SETBP1: variants seen among roughly 807,000 people sequenced by gnomAD.
The protein encoded by SETBP1 is SET-binding protein.
In SETBP1, 9 loss-of-function variants were observed where a neutral mutation model predicts 101.0. The observed-to-expected ratio is 0.09, with a 90% CI of 0.05 to 0.16. SETBP1 has a LOEUF of 0.16. Among genes scored for constraint, SETBP1 ranks in the 10% least tolerant of loss-of-function variants. The probability of loss-of-function intolerance (pLI) is 1.00; values close to 1 mark genes in which losing one functional copy is unlikely to be tolerated. For synonymous variants in SETBP1, 818 were observed against 788.5 expected (o/e 1.04, Z -0.63); for missense variants, 1,858 against 2,033.8 (o/e 0.91, Z 1.66).
intron 3 of SETBP1, among the ~76,000 whole-genome samples, chr18:44,928,329 T>C (rs950719935): frequency 3.3e-5 from 5 of 152,246 alleles, no homozygotes; most frequent in Admixed American, 3.3e-4. Context: ...CAGTCTATCA[T>C]TGATGGACAT....
At chr18:44,961,397 G>T (rs1599381111) in intron 4 of SETBP1, among the ~76,000 whole-genome samples, 1 of 152,302 alleles carries the variant, frequency 6.6e-6, no homozygotes, top group African/African-American at 2.4e-5. Context: ...GAGCCTCGTG[G>T]ACTGTGTGCC....
chr18:44,686,677 G>A (rs2068845801), intron 1 of SETBP1, among the ~76,000 whole-genome samples: 1 of 152,206 alleles, frequency 6.6e-6, no homozygotes, highest in Non-Finnish European at 1.5e-5. Flanking sequence ...GAAAGTCAAT[G>A]TTGTTTAAGG....
chr18:44,854,154 C>G (rs190215193), intron 2 of SETBP1, among the ~76,000 whole-genome samples: 1 of 152,006 alleles, frequency 6.6e-6, no homozygotes, highest in African/African-American at 2.4e-5. Flanking sequence ...TGGCGTATCC[C>G]CAGAATGCAT....
chr18:44,902,742 T>C (rs2144838924), intron 3 of SETBP1, among the ~76,000 whole-genome samples: 1 of 152,306 alleles, frequency 6.6e-6, no homozygotes, highest in Non-Finnish European at 1.5e-5. Flanking sequence ...TGAGTAACTC[T>C]TTTTACCTCT....
At chr18:44,774,511 C>G (rs184256063) in intron 2 of SETBP1, among the ~76,000 whole-genome samples, 3 of 152,260 alleles carry the variant, frequency 2.0e-5, no homozygotes. Flanking sequence ...TGAGCATCCT[C>G]TGATGGATCA....
At chr18:44,847,815 A>G (rs1158356447) in intron 2 of SETBP1, among the ~76,000 whole-genome samples, 2 of 152,188 alleles carry the variant, frequency 1.3e-5, no homozygotes, top group Non-Finnish European at 2.9e-5. Context: ...AGATCTTGCT[A>G]GAGGAGAGGA....
At chr18:44,882,126 G>GA (rs906259994) in intron 3 of SETBP1, among the ~76,000 whole-genome samples, 2 of 151,846 alleles carry the variant, frequency 1.3e-5, no homozygotes, top group African/African-American at 4.8e-5. Flanking sequence ...AAAGAGATCA[G>GA]AAAAAAGGGA....
chr18:44,907,158 T>C (rs1005781919), intron 3 of SETBP1, among the ~76,000 whole-genome samples: 1 of 152,244 alleles, frequency 6.6e-6, no homozygotes, highest in African/African-American at 2.4e-5. Context: ...TTTTAAGGTT[T>C]AGCCATGCTG....
intron 2 of SETBP1, among the ~76,000 whole-genome samples, chr18:44,797,198 G>C (rs1013693026): frequency 2.6e-5 from 4 of 152,138 alleles, no homozygotes; most frequent in African/African-American, 9.7e-5. Context: ...TTTCTTACTT[G>C]TAAGTGTTGA....
At chr18:44,741,728 C>CA (rs2144475882) in intron 2 of SETBP1, among the ~76,000 whole-genome samples, 1 of 152,242 alleles carries the variant, frequency 6.6e-6, no homozygotes, top group East Asian at 1.9e-4. Context: ...TAGCCATGTT[C>CA]AAATTATCTC....
intron 3 of SETBP1, among the ~76,000 whole-genome samples, chr18:44,902,463 G>C (rs1250733313): frequency 1.4e-5 from 2 of 143,448 alleles, no homozygotes; most frequent in African/African-American, 5.0e-5. Context: ...TAGTGCAAGA[G>C]AGAGGTGGAG....
chr18:44,738,386 G>T (rs761411685), intron 2 of SETBP1, among the ~76,000 whole-genome samples: 1 of 152,180 alleles, frequency 6.6e-6, no homozygotes, highest in South Asian at 2.1e-4. Flanking sequence ...CCTGAAAGAA[G>T]AATTATGCCA....
chr18:44,826,228 G>A (rs867742174), intron 2 of SETBP1, among the ~76,000 whole-genome samples: 5 of 152,112 alleles, frequency 3.3e-5, no homozygotes, highest in Non-Finnish European at 7.4e-5. Flanking sequence ...ATTCATTGGG[G>A]CAAAGAAATG....
Position 44,952,414 on chromosome 18 carries a change from C to A in SETBP1, c.3074C>A (p.Thr1025Asn), listed in dbSNP as rs1328440741. 1 of 1,614,046 alleles carries A rather than the reference C, an allele frequency of 6.2e-7. No homozygotes were observed. Among genetic ancestry groups the A allele is most frequent in the Non-Finnish European group, 8.5e-7 (1 of 1,180,050 alleles). Residue 1025 changes from threonine (T) to asparagine (N), a missense_variant, in exon 4 of 6, where the codon ACC becomes AAC. Physicochemically the swap from Thr to Asn is moderately conservative, Grantham distance 65. Around this residue, in one of 12 missense-constraint regions of SETBP1, gnomAD observed 255 missense variants for 300.1 expected, o/e 0.85. Coordinates refer to ENST00000649279, the MANE Select transcript of SETBP1 (RefSeq NM_015559.3). ...SKKKRGRPAK[T>N]NDTMTKVPFL... ...AAGAAGCGTGGTAGGCCTGCAAAAA[C>A]CAATGACACCATGACAAAGGTGCCT...
intron 4 of SETBP1, among the ~76,000 whole-genome samples, chr18:45,003,880 C>G (rs1050659668): frequency 6.6e-6 from 1 of 152,126 alleles, no homozygotes; most frequent in Non-Finnish European, 1.5e-5. Context: ...GTAGTCCTTT[C>G]GTAAGATAGT....
At chr18:44,754,888 A>T (rs2070459395) in intron 2 of SETBP1, among the ~76,000 whole-genome samples, 1 of 152,248 alleles carries the variant, frequency 6.6e-6, no homozygotes, top group South Asian at 2.1e-4. Context: ...AAGCCCCAAC[A>T]TAGTGGGTCA....
chr18:44,794,096 C>T (rs1214764022), intron 2 of SETBP1, among the ~76,000 whole-genome samples: 1 of 152,140 alleles, frequency 6.6e-6, no homozygotes, highest in Non-Finnish European at 1.5e-5. Context: ...AAGATAATAA[C>T]AGCCTGCAGA....
At chr18:44,978,404 T>C (rs1005489080) in intron 4 of SETBP1, among the ~76,000 whole-genome samples, 1 of 152,198 alleles carries the variant, frequency 6.6e-6, no homozygotes, top group Non-Finnish European at 1.5e-5. Flanking sequence ...TGATATCTTG[T>C]AGTGATATTA....
At chr18:44,975,878 G>A (rs2071974122) in intron 4 of SETBP1, among the ~76,000 whole-genome samples, 1 of 152,156 alleles carries the variant, frequency 6.6e-6, no homozygotes, top group Non-Finnish European at 1.5e-5. Context: ...CAAAATCAAA[G>A]CTCAGAGGGT....
Sources: gnomAD v4.1 joint callset for allele counts (sites outside exome capture counted in the v4.1 genomes callset) on GRCh38, gnomAD v4.1.1 for gene constraint, gnomAD v4.1.1 regional missense constraint, MANE v1.5 for transcripts, NCBI Gene and HGNC (gene_info 2026-07-23, HGNC 2026-07-21) for gene names.